Variants in THSD7A observed in about 807,000 individuals in gnomAD.
THSD7A encodes thrombospondin type 1 domain containing 7A.
Under a neutral mutation model 231.3 loss-of-function variants are expected in THSD7A, and 96 were observed. The observed-to-expected ratio is 0.41, with a 90% confidence interval of 0.35 to 0.49. The LOEUF (loss-of-function observed/expected upper bound fraction) is 0.49. Ranked by LOEUF, THSD7A falls within the 20% of genes least tolerant of loss-of-function variation. The pLI, the probability that THSD7A is intolerant of heterozygous loss-of-function variation, is 0.05. For synonymous variants in THSD7A, 940 were observed against 743.3 expected, an observed-to-expected ratio of 1.26 and a Z score of -4.30; for missense variants, 2,290 against 2,070.2, an observed-to-expected ratio of 1.11 and a Z score of -2.06.
intron 6 of THSD7A, among the ~76,000 whole-genome samples, chr7:11,501,864 T>G (rs1036139748): frequency 6.6e-6 from 1 of 151,852 alleles, no homozygotes; most frequent in African/African-American, 2.4e-5. Flanking sequence ...TTGAAAAAAG[T>G]AATAAAATAG....
intron 7 of THSD7A, among the ~76,000 whole-genome samples, chr7:11,479,871 T>TTTAAAATTAC (rs6149987): frequency 2.6e-5 from 4 of 152,012 alleles, no homozygotes; most frequent in Middle Eastern, 3.2e-3. Flanking sequence ...ATGGCTTCCA[T>TTTAAAATTAC]GTTTTACAAT....
At chr7:11,744,854 T>C (rs1381021210) in intron 1 of THSD7A, among the ~76,000 whole-genome samples, 1 of 152,132 alleles carries the variant, frequency 6.6e-6, no homozygotes, top group Admixed American at 6.6e-5. Flanking sequence ...TTTGGACATT[T>C]GGCTTGGTTC....
intron 23 of THSD7A, among the ~76,000 whole-genome samples, chr7:11,390,421 C>G (rs1206271182): frequency 6.6e-6 from 1 of 152,118 alleles, no homozygotes; most frequent in Non-Finnish European, 1.5e-5. Flanking sequence ...GTATGCTTCA[C>G]GAAATTTTTG....
intron 1 of THSD7A, among the ~76,000 whole-genome samples, chr7:11,762,101 A>G (rs745538726): frequency 3.3e-5 from 5 of 152,158 alleles, no homozygotes; most frequent in Non-Finnish European, 7.4e-5. Context: ...TTATCGCTGC[A>G]TAGTATTCCA....
chr7:11,724,574 A>G (rs1781480148), intron 1 of THSD7A, among the ~76,000 whole-genome samples: 1 of 151,910 alleles, frequency 6.6e-6, no homozygotes, highest in South Asian at 2.1e-4. Flanking sequence ...CACACCTACA[A>G]AATGTATTTT....
intron 1 of THSD7A, among the ~76,000 whole-genome samples, chr7:11,808,657 G>T (rs148471367): frequency 6.6e-6 from 1 of 152,190 alleles, no homozygotes; most frequent in African/African-American, 2.4e-5. Flanking sequence ...TTTTAAAACT[G>T]TTATGCCCGG....
At position 11,401,860 on chromosome 7, in the gene THSD7A, A is replaced by G; in HGVS notation, c.4346T>C (p.Ile1449Thr). The part of the protein sequence containing the change: ...GGIQVRSRPV[I>T]IQELENQHLC... ...ATGCTGATTCTCTAGTTCTTGTATA[A>G]TCACCGGTCTGGATCTGACCTGTAT... Residue 1449 changes from isoleucine (I) to threonine (T), a missense_variant, in exon 23 of 28, where the codon ATT becomes ACT. By Grantham distance (89) the Ile-to-Thr change is moderately conservative. Coordinates refer to ENST00000423059, the MANE Select transcript of THSD7A (RefSeq NM_015204.3). The G allele has an allele frequency of 6.2e-7, 1 of 1,613,898 alleles. No individual in the cohort carries two copies. Among genetic ancestry groups the G allele is most frequent in the South Asian group, 1.1e-5 (1 of 91,074 alleles).
intron 1 of THSD7A, among the ~76,000 whole-genome samples, chr7:11,687,470 G>A (rs1780093962): frequency 6.6e-6 from 1 of 151,762 alleles, no homozygotes; most frequent in African/African-American, 2.4e-5. Context: ...CACGGCTTCT[G>A]TGAATATGAG....
At chr7:11,512,963 A>ATATATATAT (rs1185122230) in intron 6 of THSD7A, among the ~76,000 whole-genome samples, 29 of 141,328 alleles carry the variant, frequency 2.1e-4, no homozygotes, top group African/African-American at 3.6e-4. Flanking sequence ...ATATATATGT[A>ATATATATAT]AAATACTACT....
intron 1 of THSD7A, among the ~76,000 whole-genome samples, chr7:11,821,501 A>G (rs568534188): frequency 6.6e-6 from 1 of 152,228 alleles, no homozygotes; most frequent in South Asian, 2.1e-4. Flanking sequence ...ATGTAAATAA[A>G]CTTTGAAGTG....
intron 1 of THSD7A, among the ~76,000 whole-genome samples, chr7:11,720,095 C>G (rs1189148663): frequency 1.3e-5 from 2 of 151,706 alleles, no homozygotes; most frequent in African/African-American, 4.8e-5. Flanking sequence ...CATTCCAACA[C>G]ATTGACAGGG....
intron 9 of THSD7A, among the ~76,000 whole-genome samples, chr7:11,464,160 A>C (rs944735965): frequency 4.6e-5 from 7 of 150,600 alleles, no homozygotes; most frequent in Non-Finnish European, 7.4e-5. Flanking sequence ...ACTGTCCATA[A>C]TCTTTTTTTT....
Position 11,446,184 on chromosome 7 carries a change from C to T in THSD7A, c.2941G>A (p.Val981Met), listed in dbSNP as rs767793077. The T allele has an allele frequency of 1.9e-6, 3 of 1,613,586 alleles. No individual in the cohort carries two copies. Among genetic ancestry groups the T allele is most frequent in the Non-Finnish European group, 2.5e-6 (3 of 1,179,658 alleles). Residue 981 changes from valine to methionine, a missense_variant, in exon 13 of 28, where the codon GTG becomes ATG. Val to Met is a conservative substitution (Grantham distance 21, BLOSUM62 1). Transcript: ENST00000423059. This position sits in a 1 kb window ranked among gnomAD's most constrained non-coding sequence, Gnocchi z 4.0. ...DCILPEGKVE[V>M]LLGMKVQGDI... ...CCTTGTACTTTCATTCCCAGCAACA[C>T]TTCCACTTTTCCCTCTGGTAAAATA...
At chr7:11,541,993 T>C (rs1325041020) in intron 5 of THSD7A, among the ~76,000 whole-genome samples, 1 of 152,170 alleles carries the variant, frequency 6.6e-6, no homozygotes, top group Non-Finnish European at 1.5e-5. Flanking sequence ...AGCTATAGAA[T>C]ATTCAAAGAA....
At chr7:11,730,237 A>T (rs2128156878) in intron 1 of THSD7A, among the ~76,000 whole-genome samples, 1 of 151,784 alleles carries the variant, frequency 6.6e-6, no homozygotes, top group African/African-American at 2.4e-5. Context: ...TTAAAAATGA[A>T]GCATATTTTT....
chr7:11,415,920 T>C lies in THSD7A; in HGVS notation c.3537+1530A>G, dbSNP rs1372354289. Among the ~76,000 whole-genome samples, 6 of 152,194 alleles carry C rather than the reference T, an allele frequency of 3.9e-5. No homozygotes were observed. The South Asian group carries it at 8.3e-4, about 21-fold the overall frequency. ...TACATCATTTTCTGTATGACACTTA[T>C]CTTCTCCTGCCCAAAAATCTTTTCC... On this transcript the variant is annotated intron_variant, in intron 17 of 27. Transcript: ENST00000423059.
chr7:11,652,748 C>T (rs1782552960), intron 1 of THSD7A, among the ~76,000 whole-genome samples: 2 of 151,890 alleles, frequency 1.3e-5, no homozygotes, highest in African/African-American at 4.8e-5. Flanking sequence ...GTGAGGCAAA[C>T]TCCATGTGTC....
chr7:11,625,504 T>A (rs925362500), intron 2 of THSD7A, among the ~76,000 whole-genome samples: 1 of 152,036 alleles, frequency 6.6e-6, no homozygotes, highest in African/African-American at 2.4e-5. Flanking sequence ...GAAGAAAGCA[T>A]CTCTCAATGA....
At chr7:11,618,316 T>A (rs192938863) in intron 2 of THSD7A, among the ~76,000 whole-genome samples, 1 of 152,202 alleles carries the variant, frequency 6.6e-6, no homozygotes, top group East Asian at 1.9e-4. Flanking sequence ...GCATATTGTA[T>A]ACACACATAT....
Sources: gnomAD v4.1 joint callset for allele counts (sites outside exome capture counted in the v4.1 genomes callset) on GRCh38, gnomAD v4.1.1 for gene constraint, Gnocchi (gnomAD v3.1) non-coding constraint, MANE v1.5 for transcripts, NCBI Gene and HGNC (gene_info 2026-07-23, HGNC 2026-07-21) for gene names.